Variants in CSMD1 observed in about 807,000 individuals in gnomAD.
The protein encoded by CSMD1 is CUB and sushi domain-containing protein 1.
Under a neutral mutation model 417.5 loss-of-function variants are expected in CSMD1, and 213 were observed. The observed-to-expected ratio is 0.51, with a 90% confidence interval of 0.46 to 0.57. CSMD1 has a LOEUF of 0.57. Ranked by LOEUF, CSMD1 falls within the 20% of genes least tolerant of loss-of-function variation. The probability of loss-of-function intolerance (pLI) is 0.00; values close to 1 mark genes in which losing one functional copy is unlikely to be tolerated. For synonymous variants in CSMD1, 2,862 were observed against 1,736.8 expected (o/e 1.65, Z -16.11); for missense variants, 6,923 against 4,529.7 (o/e 1.53, Z -15.17).
chr8:4,779,384 C>A (rs1303391864), intron 1 of CSMD1, among the ~76,000 whole-genome samples: 7 of 151,988 alleles, frequency 4.6e-5, no homozygotes, highest in Non-Finnish European at 8.8e-5. Flanking sequence ...GTTCATAATC[C>A]CTTTAAAACT....
At chr8:4,509,147 T>C (rs1802689785) in intron 2 of CSMD1, among the ~76,000 whole-genome samples, 1 of 152,144 alleles carries the variant, frequency 6.6e-6, no homozygotes. Context: ...AATAGACCTT[T>C]TAGGGAGAAT....
chr8:3,748,632 G>A (rs542352708), intron 6 of CSMD1, among the ~76,000 whole-genome samples: 3 of 152,306 alleles, frequency 2.0e-5, no homozygotes, highest in African/African-American at 7.2e-5. Context: ...TAGAGCTCTG[G>A]AAACTGCATT....
At chr8:4,464,787 G>A (rs1350920774) in intron 2 of CSMD1, among the ~76,000 whole-genome samples, 4 of 152,188 alleles carry the variant, frequency 2.6e-5, no homozygotes, top group Admixed American at 2.0e-4. Flanking sequence ...GGGCTGGGCT[G>A]AGAGATCAAG....
At chr8:3,075,915 G>C (rs1226164364) in intron 49 of CSMD1, among the ~76,000 whole-genome samples, 2 of 151,558 alleles carry the variant, frequency 1.3e-5, no homozygotes, top group African/African-American at 2.4e-5. Flanking sequence ...GCCGGGCGTG[G>C]TGGCGGGCGC....
Position 4,372,607 on chromosome 8 carries a change from T to C in CSMD1, c.415+47346A>G, listed in dbSNP as rs552416570. On this transcript the variant is annotated intron_variant, in intron 3 of 69. Transcript: ENST00000635120. ...ACACTTAAAACAAGGTGAGCGTTTT[T>C]ACTGTCAGAAAGTAAGGAAGTGTTA... 1.3e-4 allele frequency among the ~76,000 whole-genome samples: 20 copies of C among 149,394 alleles called. No homozygotes were observed. In the South Asian group the frequency reaches 3.9e-3, roughly 29 times the overall value.
At chr8:4,186,289 C>T (rs959829981) in intron 3 of CSMD1, among the ~76,000 whole-genome samples, 8 of 152,032 alleles carry the variant, frequency 5.3e-5, no homozygotes, top group Admixed American at 1.3e-4. Flanking sequence ...GAAGGAGGCC[C>T]GTGTTCAAGG....
intron 44 of CSMD1, 80 bp from the exon 45 acceptor site, chr8:3,107,878 T>C: frequency 1.1e-6 from 1 of 908,746 alleles, no homozygotes; most frequent in Non-Finnish European, 1.7e-6. Context: ...ACATTCATCT[T>C]GCAGTTGTTA....
chr8:4,101,579 G>C (rs555984893), intron 3 of CSMD1, among the ~76,000 whole-genome samples: 4 of 152,186 alleles, frequency 2.6e-5, no homozygotes, highest in African/African-American at 4.8e-5. Context: ...TTTTACAGAA[G>C]TACATTTTAA....
At chr8:4,394,492 C>T (rs1364860269) in intron 3 of CSMD1, among the ~76,000 whole-genome samples, 1 of 152,118 alleles carries the variant, frequency 6.6e-6, no homozygotes, top group Non-Finnish European at 1.5e-5. Context: ...TCTGAAATAC[C>T]TCTGGGTGTG....
intron 3 of CSMD1, among the ~76,000 whole-genome samples, chr8:4,167,386 T>C (rs1220909945): frequency 2.0e-5 from 3 of 152,204 alleles, no homozygotes; most frequent in Non-Finnish European, 4.4e-5. Context: ...ACAAACTATG[T>C]TAAATTTCAT....
intron 5 of CSMD1, among the ~76,000 whole-genome samples, chr8:3,950,214 T>C (rs1027927717): frequency 2.0e-5 from 3 of 152,150 alleles, no homozygotes; most frequent in Non-Finnish European, 2.9e-5. Context: ...GACTGTGAAG[T>C]TTCTCATCAT....
At chr8:4,282,903 C>A (rs1296351674) in intron 3 of CSMD1, among the ~76,000 whole-genome samples, 1 of 152,032 alleles carries the variant, frequency 6.6e-6, no homozygotes, top group South Asian at 2.1e-4. Flanking sequence ...TTGAACTTAC[C>A]ACAGTTCATT....
At chr8:4,270,289 C>A (rs528402885) in intron 3 of CSMD1, among the ~76,000 whole-genome samples, 6 of 152,216 alleles carry the variant, frequency 3.9e-5, no homozygotes, top group Non-Finnish European at 8.8e-5. Flanking sequence ...CTACAGTTAC[C>A]TTCTTCCCAG....
intron 5 of CSMD1, among the ~76,000 whole-genome samples, chr8:3,903,240 T>C (rs1427848091): frequency 6.6e-6 from 1 of 152,094 alleles, no homozygotes; most frequent in Non-Finnish European, 1.5e-5. Flanking sequence ...TTACTCCTTG[T>C]CTCTGCCATG....
At chr8:3,445,473 A>G (rs1366602298) in intron 12 of CSMD1, among the ~76,000 whole-genome samples, 1 of 152,202 alleles carries the variant, frequency 6.6e-6, no homozygotes, top group African/African-American at 2.4e-5. Flanking sequence ...TTAAACACAC[A>G]GCTCGAGCAG....
chr8:3,947,287 T>G (rs1459071274), intron 5 of CSMD1, among the ~76,000 whole-genome samples: 4 of 152,160 alleles, frequency 2.6e-5, no homozygotes, highest in Non-Finnish European at 4.4e-5. Context: ...GACGTGATTA[T>G]GTATGCAGCT....
chr8:3,709,232 C>G (rs76142057), intron 6 of CSMD1, among the ~76,000 whole-genome samples: 6 of 150,072 alleles, frequency 4.0e-5, no homozygotes, highest in Non-Finnish European at 5.9e-5. Flanking sequence ...TTATGATCTT[C>G]TAAGCTATCC....
At chr8:4,820,279 G>A (rs529488654) in intron 1 of CSMD1, among the ~76,000 whole-genome samples, 5 of 152,146 alleles carry the variant, frequency 3.3e-5, no homozygotes, top group Admixed American at 6.5e-5. Context: ...AGACTGCCAG[G>A]AACACAGGGC....
chr8:3,846,376 G>A (rs1803503350), intron 5 of CSMD1, among the ~76,000 whole-genome samples: 2 of 152,218 alleles, frequency 1.3e-5, no homozygotes, highest in Admixed American at 6.5e-5. Flanking sequence ...TTTATGTGGT[G>A]CATGACTCTA....
Sources: gnomAD v4.1 joint callset for allele counts (sites outside exome capture counted in the v4.1 genomes callset) on GRCh38, gnomAD v4.1.1 for gene constraint, MANE v1.5 for transcripts, NCBI Gene and HGNC (gene_info 2026-07-23, HGNC 2026-07-21) for gene names.